The following LAMA1 variants were observed in gnomAD, a reference collection of about 807,000 sequenced individuals.
The protein encoded by LAMA1 is laminin subunit alpha-1.
LAMA1 carries 219 observed loss-of-function variants against 348.7 expected under a neutral mutation model. The ratio of observed to expected loss-of-function variants is 0.63; its 90% CI spans 0.56 to 0.70. LAMA1 has a LOEUF of 0.70. LAMA1 is among the 30% of genes least tolerant of loss of function. The pLI is 0.00. For missense variants in LAMA1, 3,744 were observed against 3,888.0 expected (o/e 0.96, Z 0.99); for synonymous variants, 1,487 against 1,491.0 (o/e 1.00, Z 0.06).
chr18:7,014,915 C>T (rs759612543), intron 22 of LAMA1, among the ~76,000 whole-genome samples: 8 of 151,934 alleles, frequency 5.3e-5, no homozygotes, highest in Non-Finnish European at 8.8e-5. Flanking sequence ...GGCCCGATAT[C>T]GGCTCACTGC....
chr18:7,111,553 G>C (rs918290751), intron 1 of LAMA1, among the ~76,000 whole-genome samples: 3 of 152,184 alleles, frequency 2.0e-5, no homozygotes, highest in Admixed American at 6.5e-5. Flanking sequence ...TCCAGCTATC[G>C]TGTGGCGTTT....
At chr18:6,998,310 C>T (rs371239640) in intron 32 of LAMA1, among the ~76,000 whole-genome samples, 73 of 152,188 alleles carry the variant, frequency 4.8e-4, no homozygotes, top group African/African-American at 1.6e-3. Context: ...TAATGAAAGG[C>T]GAGGAAGGCA....
chr18:7,061,263 T>G (rs548582862), intron 3 of LAMA1, among the ~76,000 whole-genome samples: 1 of 152,316 alleles, frequency 6.6e-6, no homozygotes, highest in African/African-American at 2.4e-5. Context: ...CTATAATTGT[T>G]CCTGTTGCTC....
chr18:6,966,110 T>A, intron 49 of LAMA1, 37 bp downstream of exon 49: 1 of 1,610,726 alleles, frequency 6.2e-7, no homozygotes, highest in Non-Finnish European at 8.5e-7. Context: ...TAAATGTGTG[T>A]ATACAGTAGG....
chr18:7,037,638 G>A lies in LAMA1; in HGVS notation c.1677C>T (p.Val559=). 6.2e-7 allele frequency: 1 copy of A among 1,614,128 alleles called. No homozygotes were observed. The highest frequency in any genetic ancestry group is 8.5e-7 in the Non-Finnish European group (1 of 1,180,030). The change falls in exon 12 of 63, where the codon GTC becomes GTT. Residue 559 remains valine, a synonymous_variant. Transcript: ENST00000389658. ...RHQVSINNTA[V]MQRLAPKYYW... ...AGTACTTGGGAGCCAGTCTCTGCATGACCGCGGTGTTGTTGATGCTGACCT... is the reference window on the plus strand; with the variant it reads ...AGTACTTGGGAGCCAGTCTCTGCATAACCGCGGTGTTGTTGATGCTGACCT...
intron 16 of LAMA1, among the ~76,000 whole-genome samples, chr18:7,031,743 A>G (rs2057970057): frequency 6.6e-6 from 1 of 150,956 alleles, no homozygotes; most frequent in Admixed American, 6.6e-5. Context: ...GTATTTAATA[A>G]GTAGACAACA....
chr18:7,100,883 G>T (rs2058288706), intron 1 of LAMA1, among the ~76,000 whole-genome samples: 1 of 152,074 alleles, frequency 6.6e-6, no homozygotes, highest in Non-Finnish European at 1.5e-5. Context: ...GGTGGCAGGT[G>T]CCTGTAATCC....
chr18:6,997,531 C>G (rs1017861871), intron 33 of LAMA1, among the ~76,000 whole-genome samples: 3 of 152,008 alleles, frequency 2.0e-5, no homozygotes, highest in African/African-American at 4.8e-5. Context: ...GAGAGCTGTC[C>G]CACCGTGAAA....
intron 34 of LAMA1, among the ~76,000 whole-genome samples, chr18:6,994,410 C>T (rs969930405): frequency 2.0e-4 from 30 of 152,086 alleles, no homozygotes; most frequent in African/African-American, 6.3e-4. Flanking sequence ...GTAGAGTAAC[C>T]CAGTCTGAGT....
chr18:7,099,067 C>T (rs2058279699), intron 1 of LAMA1, among the ~76,000 whole-genome samples: 1 of 151,796 alleles, frequency 6.6e-6, no homozygotes, highest in Non-Finnish European at 1.5e-5. Context: ...CGGATGGTTG[C>T]CGTGTCTGTG....
At chr18:6,995,318 G>A in intron 34 of LAMA1, 39 bp downstream of exon 34, 1 of 1,390,224 alleles carries the variant, frequency 7.2e-7, no homozygotes, top group Non-Finnish European at 1.0e-6. Flanking sequence ...TGATGGGAGG[G>A]ACCAGGAGGA....
At chr18:6,989,108 C>T (rs1185092585) in intron 36 of LAMA1, among the ~76,000 whole-genome samples, 1 of 152,166 alleles carries the variant, frequency 6.6e-6, no homozygotes, top group Non-Finnish European at 1.5e-5. Context: ...AGGGTGCCTA[C>T]CAGTACAGCT....
chr18:6,977,934 A>T, intron 43 of LAMA1, 53 bp from the exon 44 acceptor site: 9 of 1,581,582 alleles, frequency 5.7e-6, no homozygotes, highest in Non-Finnish European at 6.9e-6. Context: ...AGAGGGAAAA[A>T]CAAGATAATT....
At position 6,986,168 on chromosome 18, in the gene LAMA1, A is replaced by G. The variant is rs762602443; in HGVS notation, c.5348T>C (p.Leu1783Pro). The change falls in exon 37 of 63, where the codon CTC becomes CCC. Residue 1783 changes from leucine (L) to proline (P), a missense_variant. Leu to Pro is a moderately conservative substitution (Grantham distance 98). Coordinates refer to ENST00000389658, the MANE Select transcript of LAMA1 (RefSeq NM_005559.4). Reference protein sequence around the residue: ...AKMQESNHLLLMVNANLREFS... With the variant: ...AKMQESNHLLPMVNANLREFS... The stretch of plus-strand genomic sequence containing the variant: ...TTCTCTCAGATTAGCATTGACCATG[A>G]GCAGCAGGTGGTTGCTTTCCTGCAT... 9 of 1,614,106 alleles carry G rather than the reference A, an allele frequency of 5.6e-6. No individual in the cohort carries two copies. The highest frequency in any genetic ancestry group is 2.5e-6 in the Non-Finnish European group (3 of 1,180,052).
intron 36 of LAMA1, among the ~76,000 whole-genome samples, chr18:6,991,264 C>T (rs2057757084): frequency 6.6e-6 from 1 of 152,016 alleles, no homozygotes; most frequent in African/African-American, 2.4e-5. Context: ...ATACCCAACC[C>T]TCTAGTGTGT....
At chr18:7,096,119 T>A (rs1038308278) in intron 1 of LAMA1, among the ~76,000 whole-genome samples, 7 of 152,316 alleles carry the variant, frequency 4.6e-5, no homozygotes, top group South Asian at 2.1e-4. Flanking sequence ...TATGTGTGTG[T>A]GAGAGACACA....
intron 36 of LAMA1, among the ~76,000 whole-genome samples, chr18:6,990,356 G>A (rs1337953927): frequency 6.6e-6 from 1 of 152,080 alleles, no homozygotes; most frequent in Non-Finnish European, 1.5e-5. Flanking sequence ...TGGGAGGGGA[G>A]AGCCCCACAA....
Position 7,089,868 on chromosome 18 carries a change from C to T in LAMA1, c.62-9411G>A, listed in dbSNP as rs2058232969. ...TGCATCCCCAACAGGTTCAGGGGGG[C>T]TGTTTACAAGTTGTGGCGAAATTCA... On this transcript the variant is annotated intron_variant, in intron 1 of 62. Transcript: ENST00000389658. Among the ~76,000 whole-genome samples the T allele has an allele frequency of 3.3e-5, 5 of 152,250 alleles. No individual in the cohort carries two copies. The South Asian group carries it at 1.0e-3, about 32-fold the overall frequency.
At chr18:7,043,163 A>C in intron 8 of LAMA1, 64 bp downstream of exon 8, 1 of 1,538,150 alleles carries the variant, frequency 6.5e-7, no homozygotes, top group South Asian at 1.1e-5. Flanking sequence ...TTAAGACTTG[A>C]CAAAGTCTCT....
Sources: allele counts gnomAD v4.1 joint callset (sites outside exome capture counted in the v4.1 genomes callset), GRCh38; gene constraint gnomAD v4.1.1; transcripts MANE v1.5; gene names NCBI Gene and HGNC (gene_info 2026-07-23, HGNC 2026-07-21).